The following CSMD1 variants were observed in gnomAD, a reference collection of about 807,000 sequenced individuals.
The protein encoded by CSMD1 is CUB and Sushi multiple domains 1, also known as CUB and sushi domain-containing protein 1.
CSMD1 carries 213 observed loss-of-function variants against 417.5 expected under a neutral mutation model. The observed-to-expected ratio is 0.51, with a 90% CI of 0.46 to 0.57. CSMD1 has a LOEUF of 0.57. Among genes scored for constraint, CSMD1 ranks in the 20% least tolerant of loss-of-function variants. The pLI is 0.00. For synonymous variants in CSMD1, 2,862 were observed against 1,736.8 expected (o/e 1.65, Z -16.11); for missense variants, 6,923 against 4,529.7 (o/e 1.53, Z -15.17).
At chr8:3,240,129 T>A (rs1322014518) in intron 26 of CSMD1, among the ~76,000 whole-genome samples, 1 of 152,000 alleles carries the variant, frequency 6.6e-6, no homozygotes, top group African/African-American at 2.4e-5. Flanking sequence ...AACAGTAAGG[T>A]CAAGTAATTT....
In CSMD1 at chr8:4,980,117, G is replaced by A. The variant is rs149123018; in HGVS notation, c.85+14215C>T. On this transcript the variant is annotated intron_variant, in intron 1 of 69. Coordinates refer to ENST00000635120, the MANE Select transcript of CSMD1 (RefSeq NM_033225.6). ...CATTTTTTACCTCAAATAAATTATC[G>A]TTACTTCCTATACAAAGCAATAAAA... Among the ~76,000 whole-genome samples, 31 of 152,234 alleles carry A rather than the reference G, an allele frequency of 2.0e-4. 1 individual carries two copies. Among genetic ancestry groups the A allele is most frequent in the East Asian group, 1.7e-3 (9 of 5,178 alleles).
At chr8:3,044,918 T>C (rs1027441454) in intron 50 of CSMD1, among the ~76,000 whole-genome samples, 1 of 152,234 alleles carries the variant, frequency 6.6e-6, no homozygotes, top group Non-Finnish European at 1.5e-5. Context: ...GGGAAATACA[T>C]ACTTGGACAT....
chr8:2,967,589 C>G lies in CSMD1; in HGVS notation c.8924-843G>C, dbSNP rs1357041454. ...TACCAGAAAGATTGCTACATTTTCT[C>G]CTTAGTACTGTTGCAATAATATACA... On this transcript the variant is annotated intron_variant, in intron 57 of 69. Transcript: ENST00000635120. Among the ~76,000 whole-genome samples, 3 of 151,924 alleles carry G rather than the reference C, an allele frequency of 2.0e-5. No individual in the cohort carries two copies. The South Asian group carries it at 6.2e-4, about 32-fold the overall frequency.
intron 1 of CSMD1, among the ~76,000 whole-genome samples, chr8:4,972,167 T>A (rs912813873): frequency 2.0e-5 from 3 of 152,050 alleles, no homozygotes; most frequent in South Asian, 4.1e-4. Flanking sequence ...ACCACACACG[T>A]AGAAGTTATA....
At chr8:3,787,282 C>T (rs78762202) in intron 5 of CSMD1, among the ~76,000 whole-genome samples, 1,990 of 152,162 alleles carry the variant, frequency 0.013, 24 homozygotes, top group Middle Eastern at 0.02. Context: ...AAACCATAAT[C>T]AATTTTAGAA....
intron 5 of CSMD1, among the ~76,000 whole-genome samples, chr8:3,794,722 C>A (rs1232664459): frequency 6.6e-6 from 1 of 152,048 alleles, no homozygotes; most frequent in Non-Finnish European, 1.5e-5. Context: ...CAAAACTCCT[C>A]CGATATCTCA....
intron 10 of CSMD1, among the ~76,000 whole-genome samples, chr8:3,559,303 G>A (rs1799365407): frequency 6.6e-6 from 1 of 152,216 alleles, no homozygotes. Flanking sequence ...AGATCGCCAT[G>A]GAATGATTGT....
intron 2 of CSMD1, among the ~76,000 whole-genome samples, chr8:4,611,638 A>T (rs1233027275): frequency 6.6e-6 from 1 of 152,134 alleles, no homozygotes; most frequent in Non-Finnish European, 1.5e-5. Context: ...AATGTAAGTC[A>T]TTTTGTTAAG....
chr8:4,785,677 A>G (rs1463348573), intron 1 of CSMD1, among the ~76,000 whole-genome samples: 1 of 152,172 alleles, frequency 6.6e-6, no homozygotes, highest in Admixed American at 6.6e-5. Flanking sequence ...ACAAACTGAC[A>G]AAATGAAGAA....
At chr8:4,143,395 A>T (rs1422789014) in intron 3 of CSMD1, among the ~76,000 whole-genome samples, 1 of 146,390 alleles carries the variant, frequency 6.8e-6, no homozygotes, top group African/African-American at 2.6e-5. Flanking sequence ...TTTGCTACAG[A>T]CTAAGTTAAT....
At chr8:4,353,654 A>G (rs928949815) in intron 3 of CSMD1, among the ~76,000 whole-genome samples, 1 of 152,094 alleles carries the variant, frequency 6.6e-6, no homozygotes, top group Non-Finnish European at 1.5e-5. Context: ...AAACCTTCTC[A>G]ATCTGCCTTT....
chr8:4,312,602 C>T (rs558074520), intron 3 of CSMD1, among the ~76,000 whole-genome samples: 1 of 148,476 alleles, frequency 6.7e-6, no homozygotes. Flanking sequence ...GTTGGCCAGG[C>T]ACAGTGTCTC....
chr8:3,994,440 C>T (rs1188906520), intron 5 of CSMD1, among the ~76,000 whole-genome samples: 1 of 119,550 alleles, frequency 8.4e-6, no homozygotes, highest in African/African-American at 3.3e-5. Flanking sequence ...ACCATCAAAT[C>T]TCTTCAGAAA....
At chr8:3,682,135 G>C (rs1401933005) in intron 7 of CSMD1, among the ~76,000 whole-genome samples, 1 of 152,100 alleles carries the variant, frequency 6.6e-6, no homozygotes, top group Non-Finnish European at 1.5e-5. Context: ...GCATGGGCAA[G>C]GACTTCATGT....
chr8:4,381,061 T>C (rs2128918668), intron 3 of CSMD1, among the ~76,000 whole-genome samples: 1 of 152,250 alleles, frequency 6.6e-6, no homozygotes, highest in South Asian at 2.1e-4. Context: ...GTATTGTGGG[T>C]TATATTAGGT....
Position 2,963,274 on chromosome 8 carries a change from G to A in CSMD1, c.9402C>T (p.Ile3134=), listed in dbSNP as rs199731875. ...ACACCCCGCGACCTTCACAGGAGAG[G>A]ATGGCGGAGTGAGAGAGCTGGTAAC... ...MDGYQLSHSA[I]LSCEGRGVWK... Residue 3134 remains isoleucine (I), a synonymous_variant, in exon 60 of 70, where the codon ATC becomes ATT. Transcript: ENST00000635120. 31 of 1,613,848 alleles carry A rather than the reference G, an allele frequency of 1.9e-5. No individual in the cohort carries two copies. In the African/African-American group the frequency reaches 3.7e-4, roughly 19 times the overall value.
At chr8:3,703,325 A>G (rs914103564) in intron 7 of CSMD1, among the ~76,000 whole-genome samples, 1 of 152,206 alleles carries the variant, frequency 6.6e-6, no homozygotes, top group Non-Finnish European at 1.5e-5. Flanking sequence ...AAAGAAGCTG[A>G]TGAACGTGGG....
intron 37 of CSMD1, among the ~76,000 whole-genome samples, chr8:3,171,697 GAATT>G (rs1387300775): frequency 3.3e-5 from 5 of 151,976 alleles, no homozygotes; most frequent in African/African-American, 1.2e-4. Context: ...GAAACCAAAG[GAATT>G]ATTTAAAAAA....
At chr8:4,912,091 T>C (rs1805714342) in intron 1 of CSMD1, among the ~76,000 whole-genome samples, 1 of 127,544 alleles carries the variant, frequency 7.8e-6, no homozygotes, top group Non-Finnish European at 1.6e-5. Context: ...CAATTTCAGA[T>C]CCTGTACTTT....
Sources: allele counts gnomAD v4.1 joint callset (sites outside exome capture counted in the v4.1 genomes callset), GRCh38; gene constraint gnomAD v4.1.1; transcripts MANE v1.5; gene names NCBI Gene and HGNC (gene_info 2026-07-23, HGNC 2026-07-21).